Variants in KIAA1549 observed in about 807,000 individuals in gnomAD.
The protein encoded by KIAA1549 is UPF0606 protein KIAA1549.
KIAA1549 carries 70 observed loss-of-function variants against 156.4 expected under a neutral mutation model. The ratio of observed to expected loss-of-function variants is 0.45; its 90% CI spans 0.37 to 0.55. KIAA1549 has a LOEUF of 0.55. Ranked by LOEUF, KIAA1549 falls within the 20% of genes least tolerant of loss-of-function variation. The probability of loss-of-function intolerance (pLI) is 0.00; values close to 1 mark genes in which losing one functional copy is unlikely to be tolerated. For synonymous variants in KIAA1549, 1,103 were observed against 1,066.4 expected (o/e 1.03, Z -0.67); for missense variants, 2,428 against 2,540.9 (o/e 0.96, Z 0.96).
At position 138,917,049 on chromosome 7, in the gene KIAA1549, C is replaced by A; in HGVS notation, c.2577G>T (p.Leu859=). 1 of 1,607,510 alleles carries A rather than the reference C, an allele frequency of 6.2e-7. No homozygotes were observed. The highest frequency in any genetic ancestry group is 1.1e-5 in the South Asian group (1 of 89,566). The change falls in exon 2 of 20, where the codon CTG becomes CTT. Residue 859 remains leucine, a synonymous_variant. Coordinates refer to ENST00000422774, the MANE Select transcript of KIAA1549 (RefSeq NM_001164665.2). ...GGCCCACGACGGTCAGCTCTGTGGG[C>A]AGAGGGAAGGGGGTTGCTTCAGAAA... The part of the protein sequence containing the change: ...SFVSEATPFP[L]PTELTVVGPS...
At chr7:138,847,021 C>G (rs775809540) in intron 17 of KIAA1549, among the ~76,000 whole-genome samples, 2 of 152,170 alleles carry the variant, frequency 1.3e-5, no homozygotes, top group Non-Finnish European at 2.9e-5. Flanking sequence ...GAGGCATGCT[C>G]CTCCTTCAAG....
intron 1 of KIAA1549, among the ~76,000 whole-genome samples, chr7:138,956,985 T>G (rs186147610): frequency 1.0e-3 from 154 of 152,112 alleles, no homozygotes; most frequent in Middle Eastern, 3.4e-3. Context: ...GTGGTCAGAG[T>G]TATAATAGGG....
At chr7:138,903,766 C>T (rs1194150526) in intron 7 of KIAA1549, 30 bp from the exon 8 acceptor site, 1 of 1,525,896 alleles carries the variant, frequency 6.6e-7, no homozygotes, top group South Asian at 1.2e-5. Context: ...TACGTGGCAC[C>T]CAAAACAAGT....
chr7:138,939,707 A>G (rs903210273), intron 1 of KIAA1549, among the ~76,000 whole-genome samples: 1 of 152,202 alleles, frequency 6.6e-6, no homozygotes, highest in African/African-American at 2.4e-5. Flanking sequence ...ACTAAAATTT[A>G]TCAAGGGCTT....
Position 138,838,128 on chromosome 7 carries a change from A to G in KIAA1549, c.5631T>C (p.Ser1877=), listed in dbSNP as rs780143018. The change falls in exon 20 of 20, where the codon TCT becomes TCC. Residue 1877 remains serine, a synonymous_variant. Transcript: ENST00000422774. ...TCCTTGGCACCTGAAATAGCGGTGA[A>G]GAAGAATACTCTTGATGTCCGAGCA... ...THMLGHQEYS[S]SPLFQVPRTS... The G allele has an allele frequency of 1.5e-5, 23 of 1,519,846 alleles. No homozygotes were observed. Among genetic ancestry groups the G allele is most frequent in the African/African-American group, 1.1e-4 (8 of 72,082 alleles). The allele number at this position is 1,519,846 out of a possible 1,614,324, so 94.1% of individuals were successfully genotyped here.
intron 1 of KIAA1549, among the ~76,000 whole-genome samples, chr7:138,922,441 T>A (rs10266593): frequency 0.38 from 57,706 of 151,782 alleles, 13,168 homozygotes; most frequent in African/African-American, 0.65. Context: ...AGTATTTTTT[T>A]AAAAGGCCAA....
rs991089350 is a variant in KIAA1549 at position 138,909,206 on chromosome 7, T to C, written c.3146-85A>G. 5.8e-6 allele frequency: 8 copies of C among 1,389,796 alleles called. No individual in the cohort carries two copies. The African/African-American group carries it at 1.0e-4, about 17-fold the overall frequency. 86.1% of individuals were successfully genotyped at this position (1,389,796 alleles called of 1,614,324 possible). ...GGAATCAAGAGAGAGAAACATCGTA[T>C]CTAAATCAACCAATTCATCCATAGT... On this transcript the variant is annotated intron_variant, in intron 4 of 19. Transcript: ENST00000422774.
Position 138,837,286 on chromosome 7 carries a change from C to G in KIAA1549, c.*620G>C, listed in dbSNP as rs1424111864. ...GTGAAGGGCCCTTGGAGCTGTAGCA[C>G]CAGAAGAAGGAGGAAGAATGCGGGT... On this transcript the variant is annotated 3_prime_UTR_variant, in exon 20 of 20. Transcript: ENST00000422774. 2 of 228,216 alleles carry G rather than the reference C, an allele frequency of 8.8e-6. No individual in the cohort carries two copies. The highest frequency in any genetic ancestry group is 4.4e-5 in the African/African-American group (2 of 45,028). The allele number at this position is 228,216 out of a possible 1,614,324, so 14.1% of individuals were successfully genotyped here.
At chr7:138,896,751 A>G (rs1811695506) in intron 9 of KIAA1549, among the ~76,000 whole-genome samples, 2 of 151,574 alleles carry the variant, frequency 1.3e-5, no homozygotes, top group Admixed American at 6.6e-5. Context: ...ATGCCCCACC[A>G]TGCCCAGCTA....
intron 1 of KIAA1549, among the ~76,000 whole-genome samples, chr7:138,925,792 T>C (rs1160728736): frequency 2.4e-5 from 3 of 122,624 alleles, no homozygotes; most frequent in African/African-American, 6.6e-5. Context: ...ACTGTGCCAC[T>C]GTACTCCAGC....
At chr7:138,948,221 T>C (rs1813390103) in intron 1 of KIAA1549, among the ~76,000 whole-genome samples, 1 of 152,168 alleles carries the variant, frequency 6.6e-6, no homozygotes, top group Admixed American at 6.5e-5. Context: ...GAGGTCACTG[T>C]GGTGGGCCAT....
At chr7:138,903,852 T>A (rs10235012) in intron 7 of KIAA1549, 116 bp from the exon 8 acceptor site, 4 of 287,540 alleles carry the variant, frequency 1.4e-5, no homozygotes, top group Non-Finnish European at 5.7e-6. Flanking sequence ...TGTGTGTGTG[T>A]GCGCGCGCGC....
intron 15 of KIAA1549, among the ~76,000 whole-genome samples, chr7:138,865,303 A>G (rs1810704695): frequency 6.6e-6 from 1 of 152,178 alleles, no homozygotes. Flanking sequence ...GGTCACCCTT[A>G]TTACAAGGAA....
At chr7:138,903,086 T>G (rs1039468445) in intron 8 of KIAA1549, among the ~76,000 whole-genome samples, 9 of 152,178 alleles carry the variant, frequency 5.9e-5, no homozygotes, top group Admixed American at 1.3e-4. Context: ...TAAAATGAAA[T>G]TGAAAATGTT....
At chr7:138,848,699 G>T (rs116879984) in intron 17 of KIAA1549, among the ~76,000 whole-genome samples, 1 of 152,146 alleles carries the variant, frequency 6.6e-6, no homozygotes, top group African/African-American at 2.4e-5. Context: ...TAAAATGAAC[G>T]GAGAAGTGTT....
intron 1 of KIAA1549, among the ~76,000 whole-genome samples, chr7:138,933,739 G>A (rs898064527): frequency 6.6e-6 from 1 of 152,214 alleles, no homozygotes; most frequent in African/African-American, 2.4e-5. Flanking sequence ...GCCGGGGCAG[G>A]CGGATCACCT....
At position 138,881,437 on chromosome 7, in the gene KIAA1549, G is replaced by C; in HGVS notation, c.4180C>G (p.Pro1394Ala). The C allele has an allele frequency of 6.2e-7, 1 of 1,614,048 alleles. No individual in the cohort carries two copies. Among genetic ancestry groups the C allele is most frequent in the Non-Finnish European group, 8.5e-7 (1 of 1,179,894 alleles). ...HTTPSENGDV[P>A]SPKSKIPSKN... ...GAAGGGATCTTTGACTTGGGGCTTGGCACGTCTCCATTTTCCGAGGGCGTG... is the reference window on the plus strand; with the variant it reads ...GAAGGGATCTTTGACTTGGGGCTTGCCACGTCTCCATTTTCCGAGGGCGTG... The change falls in exon 11 of 20, where the codon CCA (proline) becomes GCA (alanine). Residue 1394 changes from proline to alanine, a missense_variant. Pro to Ala is a conservative substitution (Grantham distance 27). This residue lies in a region of KIAA1549 where 404 missense variants were observed against 417.0 expected (regional missense o/e 0.97). Transcript: ENST00000422774.
rs2130433597 is a variant in KIAA1549 at position 138,894,489 on chromosome 7, C to T, written c.3885G>A (p.Gln1295=). Residue 1295 remains glutamine, a synonymous_variant, in exon 10 of 20, where the codon CAG becomes CAA. Coordinates refer to ENST00000422774, the MANE Select transcript of KIAA1549 (RefSeq NM_001164665.2). ...CAACAATGACCCACAAGTTGTTGCT[C>T]TGGGATTCCGGAGACGGCCTCTTCA... ...DRVKRPSPES[Q]SNNLWVIVGV... The T allele has an allele frequency of 1.9e-6, 3 of 1,614,038 alleles. No individual in the cohort carries two copies. Among genetic ancestry groups the T allele is most frequent in the Non-Finnish European group, 2.5e-6 (3 of 1,179,884 alleles).
intron 1 of KIAA1549, among the ~76,000 whole-genome samples, chr7:138,971,037 C>T (rs1814206610): frequency 6.6e-6 from 1 of 152,168 alleles, no homozygotes; most frequent in Admixed American, 6.5e-5. Context: ...GAGGAGCCCT[C>T]CCAGCTGCCC....
Sources: allele counts gnomAD v4.1 joint callset (sites outside exome capture counted in the v4.1 genomes callset), GRCh38; gene constraint gnomAD v4.1.1; regional missense constraint gnomAD v4.1.1; transcripts MANE v1.5; gene names NCBI Gene and HGNC (gene_info 2026-07-23, HGNC 2026-07-21).